The following CDK14 variants were observed in gnomAD, a reference collection of about 807,000 sequenced individuals.
CDK14 encodes the protein cyclin-dependent kinase 14.
CDK14 carries 34 observed loss-of-function variants against 60.7 expected under a neutral mutation model. That is an observed-to-expected ratio of 0.56 (90% CI 0.43 to 0.75). The LOEUF (loss-of-function observed/expected upper bound fraction) is 0.75, where lower values mean the gene tolerates loss of function less well. Among genes scored for constraint, CDK14 ranks in the 30% least tolerant of loss-of-function variants. The pLI, the probability that CDK14 is intolerant of heterozygous loss-of-function variation, is 0.00. For missense variants in CDK14, 482 were observed against 564.1 expected, an observed-to-expected ratio of 0.85 and a Z score of 1.47; for synonymous variants, 197 against 203.7, an observed-to-expected ratio of 0.97 and a Z score of 0.28.
At chr7:90,870,261 T>C (rs1791326667) in intron 6 of CDK14, among the ~76,000 whole-genome samples, 1 of 152,190 alleles carries the variant, frequency 6.6e-6, no homozygotes, top group African/African-American at 2.4e-5. Context: ...AAATACTGCA[T>C]GTTCTGACTT....
At chr7:90,890,454 T>G (rs1792080947) in intron 6 of CDK14, among the ~76,000 whole-genome samples, 1 of 152,188 alleles carries the variant, frequency 6.6e-6, no homozygotes, top group Admixed American at 6.5e-5. Context: ...GGGTACAGAC[T>G]TCCTCTGTTA....
chr7:91,075,642 AAAGG>A (rs1798281680), intron 11 of CDK14, among the ~76,000 whole-genome samples: 1 of 152,176 alleles, frequency 6.6e-6, no homozygotes, highest in Non-Finnish European at 1.5e-5. Flanking sequence ...AGAAAGAAAT[AAAGG>A]ATATTCAAAT....
At chr7:91,036,044 C>T (rs1292508625) in intron 10 of CDK14, among the ~76,000 whole-genome samples, 2 of 152,078 alleles carry the variant, frequency 1.3e-5, no homozygotes, top group African/African-American at 2.4e-5. Flanking sequence ...GGGGTTTCAC[C>T]TTGTTAGCCA....
intron 7 of CDK14, among the ~76,000 whole-genome samples, chr7:90,911,540 C>T (rs1301960425): frequency 2.6e-5 from 4 of 152,146 alleles, no homozygotes; most frequent in Admixed American, 6.6e-5. Context: ...AGTTGACACA[C>T]GCCCTGAAAA....
At chr7:91,109,014 G>A (rs1799396908) in intron 12 of CDK14, among the ~76,000 whole-genome samples, 1 of 152,154 alleles carries the variant, frequency 6.6e-6, no homozygotes. Flanking sequence ...CATGCCTTAT[G>A]ATGGTAGCTG....
intron 14 of CDK14, among the ~76,000 whole-genome samples, chr7:91,159,259 G>A (rs1425902483): frequency 1.3e-5 from 2 of 152,188 alleles, no homozygotes; most frequent in Non-Finnish European, 2.9e-5. Context: ...TGATTAAAAG[G>A]TATGGAACCC....
At chr7:90,838,142 AT>A (rs1245527894) in intron 5 of CDK14, among the ~76,000 whole-genome samples, 1 of 152,162 alleles carries the variant, frequency 6.6e-6, no homozygotes, top group Non-Finnish European at 1.5e-5. Context: ...TTTCATGAAC[AT>A]TTATTAGTTC....
chr7:90,956,686 C>T (rs1313816428), intron 9 of CDK14, among the ~76,000 whole-genome samples: 3 of 151,922 alleles, frequency 2.0e-5, no homozygotes, highest in South Asian at 4.2e-4. Context: ...CATATGTATA[C>T]GTGTGCCATG....
chr7:90,764,068 CTGAG>C (rs1804438219), intron 4 of CDK14, among the ~76,000 whole-genome samples: 1 of 152,124 alleles, frequency 6.6e-6, no homozygotes, highest in Non-Finnish European at 1.5e-5. Context: ...TGGGATCCAA[CTGAG>C]TATTTAGAGC....
intron 5 of CDK14, among the ~76,000 whole-genome samples, chr7:90,809,447 A>G (rs12113976): frequency 0.2 from 30,864 of 151,630 alleles, 3,260 homozygotes; most frequent in South Asian, 0.24. Flanking sequence ...CTACATACCA[A>G]AATCTCTGGG....
At chr7:90,720,715 A>G (rs1298571978) in intron 2 of CDK14, among the ~76,000 whole-genome samples, 2 of 152,044 alleles carry the variant, frequency 1.3e-5, no homozygotes, top group East Asian at 1.9e-4. Flanking sequence ...TTATTTCTCT[A>G]TTCTTTTTTA....
chr7:90,790,665 C>T lies in CDK14; in HGVS notation c.544+13C>T, dbSNP rs745812466. ...GCTATCAGGGAAGGTAGGCACTTTT[C>T]CTTGTTGATATTGCTTTTGTGTTTC... On this transcript the variant is annotated intron_variant, in intron 5 of 14. Transcript: ENST00000380050. 2 of 1,589,230 alleles carry T rather than the reference C, an allele frequency of 1.3e-6. No homozygotes were observed. The highest frequency in any genetic ancestry group is 1.3e-5 in the African/African-American group (1 of 74,332).
At chr7:90,925,826 A>G (rs1793399429) in intron 8 of CDK14, among the ~76,000 whole-genome samples, 2 of 152,362 alleles carry the variant, frequency 1.3e-5, no homozygotes, top group East Asian at 1.9e-4. Flanking sequence ...ACATTTTGTT[A>G]TAGTTTGTTA....
At chr7:90,637,200 T>G (rs1800174598) in intron 2 of CDK14, among the ~76,000 whole-genome samples, 1 of 151,412 alleles carries the variant, frequency 6.6e-6, no homozygotes, top group South Asian at 2.1e-4. Flanking sequence ...TTGCTCTTGC[T>G]TTTCTAGTTG....
intron 1 of CDK14, among the ~76,000 whole-genome samples, chr7:90,602,879 C>G (rs17864075): frequency 0.11 from 17,401 of 152,264 alleles, 1,144 homozygotes; most frequent in Middle Eastern, 0.16. Context: ...CCCCTTAACT[C>G]ACCGCAATCA....
chr7:91,162,646 G>A (rs1204946797), intron 14 of CDK14, among the ~76,000 whole-genome samples: 1 of 152,044 alleles, frequency 6.6e-6, no homozygotes, highest in African/African-American at 2.4e-5. Flanking sequence ...TGTAACTTCG[G>A]GAAGTCACTT....
chr7:91,111,423 T>C (rs1372496965), intron 12 of CDK14, among the ~76,000 whole-genome samples: 1 of 152,210 alleles, frequency 6.6e-6, no homozygotes, highest in African/African-American at 2.4e-5. Flanking sequence ...CACCCACTTC[T>C]GGCTGCCTCT....
intron 10 of CDK14, among the ~76,000 whole-genome samples, chr7:91,010,877 C>CT (rs1160012912): frequency 1.2e-3 from 99 of 83,422 alleles, no homozygotes; most frequent in African/African-American, 2.6e-3. Flanking sequence ...CTCTCTCTTT[C>CT]TTTTTTTTTT....
chr7:90,970,233 C>T (rs562077732), intron 9 of CDK14, among the ~76,000 whole-genome samples: 14 of 151,878 alleles, frequency 9.2e-5, no homozygotes, highest in Admixed American at 3.3e-4. Flanking sequence ...CCCAAAGTGC[C>T]GGGATTAAAG....
Sources: allele counts gnomAD v4.1 joint callset (sites outside exome capture counted in the v4.1 genomes callset), GRCh38; gene constraint gnomAD v4.1.1; transcripts MANE v1.5; gene names NCBI Gene and HGNC (gene_info 2026-07-23, HGNC 2026-07-21).